The following CDH4 variants were observed in gnomAD, a reference collection of about 807,000 sequenced individuals.
CDH4 encodes cadherin 4.
A neutral mutation model predicts 86.0 loss-of-function variants in CDH4; 33 were observed. That is an observed-to-expected ratio of 0.38 (90% CI 0.29 to 0.51). The LOEUF is 0.51. Ranked by LOEUF, CDH4 falls within the 20% of genes least tolerant of loss-of-function variation. CDH4 has a pLI of 0.86. For missense variants in CDH4, 1,114 were observed against 1,307.4 expected (o/e 0.85, Z 2.28); for synonymous variants, 555 against 549.4 (o/e 1.01, Z -0.14).
chr20:61,809,346 A>T (rs543095797), intron 4 of CDH4, among the ~76,000 whole-genome samples: 1 of 152,300 alleles, frequency 6.6e-6, no homozygotes, highest in African/African-American at 2.4e-5. Context: ...ATTCAAATTC[A>T]TCTATGATCT....
chr20:61,654,096 C>A (rs898257310), intron 2 of CDH4, among the ~76,000 whole-genome samples: 4 of 151,972 alleles, frequency 2.6e-5, no homozygotes, highest in African/African-American at 9.7e-5. Flanking sequence ...GAGGTTGTAG[C>A]GAGCTGAGAT....
At chr20:61,866,777 A>G (rs1983568048) in intron 6 of CDH4, among the ~76,000 whole-genome samples, 1 of 152,234 alleles carries the variant, frequency 6.6e-6, no homozygotes, top group Non-Finnish European at 1.5e-5. Flanking sequence ...GCATCCAGAA[A>G]AGAATTCTCA....
At chr20:61,791,695 T>C (rs1979210078) in intron 4 of CDH4, among the ~76,000 whole-genome samples, 1 of 151,862 alleles carries the variant, frequency 6.6e-6, no homozygotes, top group Non-Finnish European at 1.5e-5. Context: ...CAGGCTGGGA[T>C]GGGGAGCAAG....
intron 2 of CDH4, among the ~76,000 whole-genome samples, chr20:61,572,431 C>G (rs970280695): frequency 5.3e-5 from 8 of 152,218 alleles, no homozygotes; most frequent in Non-Finnish European, 1.0e-4. Flanking sequence ...CAAAGAAGGG[C>G]TGGCCTGGGG....
intron 2 of CDH4, among the ~76,000 whole-genome samples, chr20:61,446,947 G>A (rs1157291211): frequency 6.6e-6 from 1 of 152,074 alleles, no homozygotes; most frequent in African/African-American, 2.4e-5. Flanking sequence ...TTGGTCATTA[G>A]TTTTTTTCTT....
At chr20:61,895,615 C>T (rs1985068082) in intron 8 of CDH4, among the ~76,000 whole-genome samples, 2 of 152,236 alleles carry the variant, frequency 1.3e-5, no homozygotes, top group Admixed American at 1.3e-4. Context: ...GGAGACAGGG[C>T]TGTAAGGCAT....
At chr20:61,496,387 G>T (rs1253718490) in intron 2 of CDH4, among the ~76,000 whole-genome samples, 1 of 147,592 alleles carries the variant, frequency 6.8e-6, no homozygotes, top group African/African-American at 2.4e-5. Flanking sequence ...GGGCAACAGA[G>T]CAATACCCTG....
chr20:61,921,431 A>G (rs566314671), intron 9 of CDH4, among the ~76,000 whole-genome samples: 4 of 152,346 alleles, frequency 2.6e-5, no homozygotes, highest in Admixed American at 6.5e-5. Context: ...CTCCGCACCT[A>G]AATCTGTCAG....
chr20:61,670,383 C>T (rs1341506101), intron 2 of CDH4, among the ~76,000 whole-genome samples: 1 of 152,204 alleles, frequency 6.6e-6, no homozygotes, highest in Non-Finnish European at 1.5e-5. Context: ...ATTGTCCCAG[C>T]CTCAGTCATA....
intron 2 of CDH4, among the ~76,000 whole-genome samples, chr20:61,534,883 C>T (rs1262796482): frequency 6.9e-6 from 1 of 143,896 alleles, no homozygotes; most frequent in African/African-American, 2.6e-5. Context: ...TGCTCATCCT[C>T]AACCCGATGG....
intron 2 of CDH4, among the ~76,000 whole-genome samples, chr20:61,489,990 G>C (rs1254833276): frequency 6.6e-6 from 1 of 152,118 alleles, no homozygotes; most frequent in African/African-American, 2.4e-5. Flanking sequence ...TCAGATCATT[G>C]TGATGATGGG....
At chr20:61,752,106 C>T (rs868435130) in intron 3 of CDH4, among the ~76,000 whole-genome samples, 1 of 152,092 alleles carries the variant, frequency 6.6e-6, no homozygotes. Flanking sequence ...CCAAGGTGGG[C>T]AGATCACCCA....
chr20:61,500,819 A>G lies in CDH4; in HGVS notation c.170-242744A>G, dbSNP rs2085695640. Among the ~76,000 whole-genome samples, 2 of 152,232 alleles carry G rather than the reference A, an allele frequency of 1.3e-5. 1 individual carries two copies. Among genetic ancestry groups the G allele is most frequent in the Non-Finnish European group, 2.9e-5 (2 of 68,028 alleles). On this transcript the variant is annotated intron_variant, in intron 2 of 15. Transcript: ENST00000614565. Reference sequence around the variant, plus strand: ...TGACGTATAGCCTCACAGCCCATCCAGAATGAGCCTTGAGGTTGAACTGGC... The same window carrying G: ...TGACGTATAGCCTCACAGCCCATCCGGAATGAGCCTTGAGGTTGAACTGGC...
chr20:61,310,170 A>G (rs949637766), intron 2 of CDH4, among the ~76,000 whole-genome samples: 4 of 152,162 alleles, frequency 2.6e-5, no homozygotes, highest in African/African-American at 9.7e-5. Flanking sequence ...TGGGGTGGGT[A>G]GGCTGAGTGT....
rs1167517734 is a variant in CDH4, at chr20:61,522,674, G to A, written c.170-220889G>A. Among the ~76,000 whole-genome samples, 2 of 152,196 alleles carry A rather than the reference G, an allele frequency of 1.3e-5. 1 individual carries two copies. Among genetic ancestry groups the A allele is most frequent in the African/African-American group, 4.8e-5 (2 of 41,460 alleles). On this transcript the variant is annotated intron_variant, in intron 2 of 15. Transcript: ENST00000614565. ...ACTGCACGCACGGCGCAGTCCGGGT[G>A]GGAGCCAGCGCTGCCCTTGTTCACC...
intron 4 of CDH4, among the ~76,000 whole-genome samples, chr20:61,799,003 A>G (rs1470153412): frequency 6.6e-6 from 1 of 152,266 alleles, no homozygotes; most frequent in Non-Finnish European, 1.5e-5. Flanking sequence ...CACTAAGCTC[A>G]AGGCTTTCTT....
intron 2 of CDH4, among the ~76,000 whole-genome samples, chr20:61,297,831 C>T (rs2084364516): frequency 1.3e-5 from 2 of 152,276 alleles, no homozygotes; most frequent in Non-Finnish European, 2.9e-5. Flanking sequence ...GCGCCCTTGG[C>T]TGAACTTTTC....
chr20:61,647,934 G>T (rs2087082599), intron 2 of CDH4, among the ~76,000 whole-genome samples: 1 of 152,206 alleles, frequency 6.6e-6, no homozygotes, highest in South Asian at 2.1e-4. Flanking sequence ...GCACACCCCT[G>T]CAGGGGCTGC....
At chr20:61,665,146 C>G (rs545590120) in intron 2 of CDH4, among the ~76,000 whole-genome samples, 2 of 152,128 alleles carry the variant, frequency 1.3e-5, no homozygotes, top group African/African-American at 4.8e-5. Flanking sequence ...ATCCGGGTGC[C>G]GCAGCCTGAA....
Sources: allele counts gnomAD v4.1 joint callset (sites outside exome capture counted in the v4.1 genomes callset), GRCh38; gene constraint gnomAD v4.1.1; transcripts MANE v1.5; gene names NCBI Gene and HGNC (gene_info 2026-07-23, HGNC 2026-07-21).